The following SLC7A1 variants were observed in gnomAD, a reference collection of about 807,000 sequenced individuals.
SLC7A1 encodes the protein high affinity cationic amino acid transporter 1.
In SLC7A1, 10 loss-of-function variants were observed where a neutral mutation model predicts 53.9. That is an observed-to-expected ratio of 0.19 (90% CI 0.11 to 0.31). The LOEUF is 0.31. Ranked by LOEUF, SLC7A1 falls within the 10% of genes least tolerant of loss-of-function variation. SLC7A1 has a pLI of 1.00. For missense variants in SLC7A1, 525 were observed against 827.2 expected (o/e 0.63, Z 4.48); for synonymous variants, 342 against 338.7 (o/e 1.01, Z -0.11).
Position 29,517,198 on chromosome 13 carries a change from C to G in SLC7A1, c.1623G>C (p.Val541=). 1 of 1,613,276 alleles carries G rather than the reference C, an allele frequency of 6.2e-7. No individual in the cohort carries two copies. The highest frequency in any genetic ancestry group is 8.5e-7 in the Non-Finnish European group (1 of 1,179,682). The change falls in exon 11 of 13, where the codon GTG becomes GTC. Residue 541 remains valine (V), a synonymous_variant. Coordinates refer to ENST00000380752, the MANE Select transcript of SLC7A1 (RefSeq NM_003045.5). ...GCTGCCTCCAGATGACGCCCGTGAC[C>G]ACGGCACAGAGGAGGGCAGACCCTG... ...LLAGSALLCA[V]VTGVIWRQPE...
intron 8 of SLC7A1, among the ~76,000 whole-genome samples, chr13:29,521,627 G>A (rs1868635365): frequency 6.6e-6 from 1 of 152,216 alleles, no homozygotes; most frequent in Non-Finnish European, 1.5e-5. Context: ...AATCGCGAAA[G>A]GAGGAGACAT....
chr13:29,590,128 G>A (rs529552589), intron 1 of SLC7A1, among the ~76,000 whole-genome samples: 15 of 152,256 alleles, frequency 9.9e-5, no homozygotes, highest in Non-Finnish European at 1.9e-4. Context: ...TTTGTGGGGA[G>A]GATGAGCCCC....
intron 8 of SLC7A1, among the ~76,000 whole-genome samples, chr13:29,521,652 G>A (rs1453864844): frequency 1.3e-5 from 2 of 152,208 alleles, no homozygotes; most frequent in African/African-American, 4.8e-5. Context: ...CACAGGTACA[G>A]TGTGCACACG....
In SLC7A1 at chr13:29,530,663, G is replaced by T. The variant is rs776385085; in HGVS notation, c.579C>A (p.Phe193Leu). The T allele has an allele frequency of 5.6e-6, 9 of 1,614,066 alleles. No homozygotes were observed. The highest frequency in any genetic ancestry group is 7.6e-6 in the Non-Finnish European group (9 of 1,179,962). ...VKESAMVNKI[F>L]TCINVLVLGF... ...CCAGGACCAGGACGTTAATACAAGT[G>T]AATATTTTGTTGACCATGGCCGACT... Residue 193 changes from phenylalanine (F) to leucine (L), a missense_variant, in exon 5 of 13, where the codon TTC becomes TTA. By Grantham distance (22) the Phe-to-Leu change is conservative (BLOSUM62 0). Transcript: ENST00000380752.
chr13:29,515,485 C>T (rs543031325), intron 12 of SLC7A1, among the ~76,000 whole-genome samples: 21 of 152,334 alleles, frequency 1.4e-4, no homozygotes, highest in African/African-American at 4.6e-4. Context: ...GCCATCTGCC[C>T]GTAGCATGCA....
intron 4 of SLC7A1, among the ~76,000 whole-genome samples, chr13:29,532,481 T>C (rs929578869): frequency 1.7e-4 from 26 of 152,342 alleles, no homozygotes; most frequent in African/African-American, 4.6e-4. Context: ...CAAATGGTCA[T>C]CCACTGAGTC....
At chr13:29,532,304 G>A (rs1424357702) in intron 4 of SLC7A1, among the ~76,000 whole-genome samples, 6 of 152,190 alleles carry the variant, frequency 3.9e-5, no homozygotes, top group Admixed American at 2.6e-4. Context: ...TTCAAATTCT[G>A]TAACCACAAC....
chr13:29,542,456 A>C (rs1209677356), intron 2 of SLC7A1, among the ~76,000 whole-genome samples: 1 of 151,748 alleles, frequency 6.6e-6, no homozygotes, highest in Non-Finnish European at 1.5e-5. Flanking sequence ...ATCTGTCTCA[A>C]AAAAAAAGAC....
At chr13:29,530,816 G>T in intron 4 of SLC7A1, 104 bp from the exon 5 acceptor site, 1 of 876,938 alleles carries the variant, frequency 1.1e-6, no homozygotes, top group Non-Finnish European at 1.8e-6. Context: ...GAATCCAAGT[G>T]CATCGAGCCT....
At chr13:29,560,195 G>C (rs1276994273) in intron 1 of SLC7A1, among the ~76,000 whole-genome samples, 1 of 151,488 alleles carries the variant, frequency 6.6e-6, no homozygotes, top group African/African-American at 2.4e-5. Flanking sequence ...AAACACATTA[G>C]CCTGGGCCTA....
chr13:29,582,939 A>C (rs551469174), intron 1 of SLC7A1, among the ~76,000 whole-genome samples: 116 of 152,368 alleles, frequency 7.6e-4, no homozygotes, highest in African/African-American at 2.5e-3. Flanking sequence ...TGAAGGAGTA[A>C]CAGTCATAAT....
At chr13:29,528,975 C>A (rs1255640685) in intron 5 of SLC7A1, among the ~76,000 whole-genome samples, 1 of 152,116 alleles carries the variant, frequency 6.6e-6, no homozygotes, top group South Asian at 2.1e-4. Context: ...ACAAGAGGTG[C>A]CCTATATATT....
intron 1 of SLC7A1, among the ~76,000 whole-genome samples, chr13:29,559,901 G>T (rs958103198): frequency 1.3e-5 from 2 of 152,112 alleles, no homozygotes; most frequent in South Asian, 2.1e-4. Flanking sequence ...ATTTTTAGTA[G>T]AGACGGGGTT....
chr13:29,540,749 T>G (rs909654661), intron 2 of SLC7A1, among the ~76,000 whole-genome samples: 2 of 152,340 alleles, frequency 1.3e-5, no homozygotes, highest in East Asian at 3.9e-4. Context: ...CAGGCCCCAG[T>G]CGACCCCTTT....
rs538503703 is a variant in SLC7A1, at chr13:29,532,954, G to A, written c.399C>T (p.Ser133=). ...IGTSSVARAW[S]ATFDELIGRP... The stretch of plus-strand genomic sequence containing the variant: ...TGCCTATCAGCTCGTCGAAGGTGGC[G>A]CTCCAGGCCCTCGCTACGCTTGAAG... The change falls in exon 4 of 13, where the codon AGC becomes AGT. Residue 133 remains serine (S), a synonymous_variant. Transcript: ENST00000380752. The A allele has an allele frequency of 1.9e-4, 299 of 1,613,614 alleles. 2 individuals carry two copies. In the South Asian group the frequency reaches 2.9e-3, roughly 16 times the overall value.
At chr13:29,586,221 A>G (rs1871879327) in intron 1 of SLC7A1, among the ~76,000 whole-genome samples, 2 of 152,270 alleles carry the variant, frequency 1.3e-5, no homozygotes, top group Non-Finnish European at 1.5e-5. Context: ...ACCAGAACTG[A>G]GCTGCTAGGG....
chr13:29,563,746 T>C (rs1298604541), intron 1 of SLC7A1, among the ~76,000 whole-genome samples: 2 of 152,272 alleles, frequency 1.3e-5, no homozygotes, highest in African/African-American at 4.8e-5. Flanking sequence ...TCCCAGCACA[T>C]GCAGGGATAC....
At chr13:29,547,284 G>C (rs796859660) in intron 2 of SLC7A1, among the ~76,000 whole-genome samples, 4 of 152,312 alleles carry the variant, frequency 2.6e-5, no homozygotes, top group African/African-American at 9.6e-5. Context: ...CATCCAGCCA[G>C]CTGCTAGCCA....
At chr13:29,547,073 CA>C (rs1257387845) in intron 2 of SLC7A1, among the ~76,000 whole-genome samples, 15 of 152,192 alleles carry the variant, frequency 9.9e-5, no homozygotes, top group Admixed American at 9.8e-4. Flanking sequence ...TGCCAGGTGC[CA>C]AACTGACTCA....
Sources: allele counts gnomAD v4.1 joint callset (sites outside exome capture counted in the v4.1 genomes callset), GRCh38; gene constraint gnomAD v4.1.1; transcripts MANE v1.5; gene names NCBI Gene and HGNC (gene_info 2026-07-23, HGNC 2026-07-21).